PRR11: variants seen among roughly 807,000 people sequenced by gnomAD.
PRR11 encodes proline-rich protein 11.
In PRR11, 30 loss-of-function variants were observed where a neutral mutation model predicts 45.6. The ratio of observed to expected loss-of-function variants is 0.66; its 90% CI spans 0.49 to 0.89. The LOEUF is 0.89. PRR11 is among the 40% of genes least tolerant of loss of function. PRR11 has a pLI of 0.00. For missense variants in PRR11, 373 were observed against 424.8 expected, an observed-to-expected ratio of 0.88 and a Z score of 1.07; for synonymous variants, 128 against 153.5, an observed-to-expected ratio of 0.83 and a Z score of 1.23.
At chr17:59,179,801 T>C in intron 2 of PRR11, 7 of 1,358,338 alleles carry the variant, frequency 5.2e-6, no homozygotes, top group Non-Finnish European at 7.2e-6. Context: ...CTCCGATGAC[T>C]CCTCAGATTC....
At chr17:59,201,500 G>GGA in intron 9 of PRR11, 63 bp from the exon 10 acceptor site, 1 of 1,531,440 alleles carries the variant, frequency 6.5e-7, no homozygotes, top group Non-Finnish European at 8.9e-7. Flanking sequence ...TGTTGAGAAA[G>GGA]GAGAGTTGTA....
chr17:59,160,675 T>C (rs1474844954), intron 1 of PRR11: 1 of 152,182 alleles, frequency 6.6e-6, no homozygotes, highest in Non-Finnish European at 1.5e-5. Flanking sequence ...GAAAAGAAGA[T>C]GTAAGTAAAA....
chr17:59,181,342 C>T (rs535978686), intron 2 of PRR11, among the ~76,000 whole-genome samples: 9 of 151,936 alleles, frequency 5.9e-5, no homozygotes, highest in South Asian at 2.1e-4. Context: ...CAGCCTAATC[C>T]TCTATCATCT....
intron 4 of PRR11, among the ~76,000 whole-genome samples, chr17:59,191,217 T>A (rs575725603): frequency 1.1e-5 from 1 of 91,674 alleles, no homozygotes; most frequent in Non-Finnish European, 2.0e-5. Flanking sequence ...TTTTTCTTTT[T>A]TTCTTTTTTT....
chr17:59,163,934 A>C (rs1026656078), intron 1 of PRR11, among the ~76,000 whole-genome samples: 1 of 151,996 alleles, frequency 6.6e-6, no homozygotes, highest in African/African-American at 2.4e-5. Flanking sequence ...GCGCCGTGGC[A>C]GGCGCCTGTA....
chr17:59,162,095 T>C (rs1307496367), intron 1 of PRR11, among the ~76,000 whole-genome samples: 1 of 152,138 alleles, frequency 6.6e-6, no homozygotes, highest in Non-Finnish European at 1.5e-5. Flanking sequence ...CTAGGAATTA[T>C]CTCAGACTGC....
intron 2 of PRR11, among the ~76,000 whole-genome samples, chr17:59,171,362 T>G (rs2046707648): frequency 6.6e-6 from 1 of 152,146 alleles, no homozygotes; most frequent in African/African-American, 2.4e-5. Context: ...CAAATAAAAA[T>G]TTATTTTTAT....
At position 59,183,534 on chromosome 17, in the gene PRR11, C is replaced by T. The variant is rs113541306; in HGVS notation, c.129-1520C>T. 1.7e-4 allele frequency among the ~76,000 whole-genome samples: 26 copies of T among 152,242 alleles called. No individual in the cohort carries two copies. In the Middle Eastern group the frequency reaches 0.01, roughly 60 times the overall value. The stretch of plus-strand genomic sequence containing the variant: ...TCCGAGATTCTATACTGGGGGTACA[C>T]GTGTCCTCTGCCGTAAGGCATCTTT... On this transcript the variant is annotated intron_variant, in intron 2 of 9. Coordinates refer to ENST00000262293, the MANE Select transcript of PRR11 (RefSeq NM_018304.4).
Position 59,197,717 on chromosome 17 carries a change from C to G in PRR11, c.942C>G (p.Thr314=), listed in dbSNP as rs773177906. Residue 314 remains threonine (T), a synonymous_variant, in exon 9 of 10, where the codon ACC becomes ACG. Transcript: ENST00000262293. Reference sequence around the variant, plus strand: ...GGAGCCCAGGTGGAACCCCTCTTACCAATAAGGAAAATATGGAAACAGGAA... The same window carrying G: ...GGAGCCCAGGTGGAACCCCTCTTACGAATAAGGAAAATATGGAAACAGGAA... ...VERSPGGTPL[T]NKENMETGTG... is the part of the protein sequence containing the mutation. The G allele has an allele frequency of 5.6e-6, 9 of 1,613,982 alleles. No homozygotes were observed. Among genetic ancestry groups the G allele is most frequent in the Non-Finnish European group, 7.6e-6 (9 of 1,179,998 alleles).
At chr17:59,174,629 C>T (rs2046732186) in intron 2 of PRR11, among the ~76,000 whole-genome samples, 1 of 152,148 alleles carries the variant, frequency 6.6e-6, no homozygotes. Flanking sequence ...GAGAGGGGAT[C>T]TCGCCATGTT....
chr17:59,201,582 C>A lies in PRR11; in HGVS notation c.1034C>A (p.Pro345Gln), dbSNP rs1052334107. 1.1e-5 allele frequency: 18 copies of A among 1,612,772 alleles called. No individual in the cohort carries two copies. The highest frequency in any genetic ancestry group is 1.5e-5 in the Non-Finnish European group (18 of 1,179,970). Reference sequence around the variant, plus strand: ...TTATAGCTGGCTCACCCTAGAAGCCCAACTCCAACTCTGCCACTTTCTACA... The same window carrying A: ...TTATAGCTGGCTCACCCTAGAAGCCAAACTCCAACTCTGCCACTTTCTACA... ...RKFQLAHPRS[P>Q]TPTLPLSTSS... The change falls in exon 10 of 10, where the codon CCA becomes CAA. Residue 345 changes from proline (P) to glutamine (Q), a missense_variant. By Grantham distance (76) the Pro-to-Gln change is moderately conservative (BLOSUM62 -1). Transcript: ENST00000262293.
rs576831477 is a variant in PRR11 at position 59,205,143 on chromosome 17, T to C, written c.*3512T>C. 3.3e-5 allele frequency among the ~76,000 whole-genome samples: 5 copies of C among 152,288 alleles called. No homozygotes were observed. In the South Asian group the frequency reaches 1.0e-3, roughly 32 times the overall value. ...AAAGCTGCTACTGCCATTGTACCAG[T>C]GTTAAACTGTGTTCTACCTTGCATC... On this transcript the variant is annotated 3_prime_UTR_variant, in exon 10 of 10. Coordinates refer to ENST00000262293, the MANE Select transcript of PRR11 (RefSeq NM_018304.4).
At chr17:59,175,394 G>A (rs1361661498) in intron 2 of PRR11, among the ~76,000 whole-genome samples, 1 of 152,250 alleles carries the variant, frequency 6.6e-6, no homozygotes, top group African/African-American at 2.4e-5. Flanking sequence ...GGAGGCTGAG[G>A]CAGGAGGATC....
intron 2 of PRR11, chr17:59,179,873 C>A (rs530146885): frequency 2.2e-6 from 3 of 1,342,074 alleles, no homozygotes; most frequent in Non-Finnish European, 3.1e-6. Context: ...GGGATCTACC[C>A]CAGGGGCTGA....
In PRR11 at chr17:59,184,850, G is replaced by GTT. The variant is rs5821252; in HGVS notation, c.129-179_129-178dup. ...CTGGCACACCACCATGCCTGATTAA[G>GTT]TTTTTTTTTTTTTTTTTTTTTTTTT... is the stretch of plus-strand genomic sequence containing the variant. On this transcript the variant is annotated intron_variant, in intron 2 of 9. Transcript: ENST00000262293. Among the ~76,000 whole-genome samples the GTT allele has an allele frequency of 9.3e-3, 678 of 72,734 alleles. 74 individuals are homozygous for GTT. The highest frequency in any genetic ancestry group is 0.025 in the African/African-American group (411 of 16,394). The allele number at this position is 72,734 out of a possible 152,430, so 47.7% of individuals were successfully genotyped here.
chr17:59,175,487 C>T (rs138636784), intron 2 of PRR11, among the ~76,000 whole-genome samples: 3 of 152,160 alleles, frequency 2.0e-5, no homozygotes, highest in East Asian at 3.9e-4. Context: ...ACACGCCAGA[C>T]GTGGTGGCTC....
chr17:59,176,988 C>T (rs1384668955), intron 2 of PRR11, among the ~76,000 whole-genome samples: 4 of 152,064 alleles, frequency 2.6e-5, no homozygotes, highest in Admixed American at 1.3e-4. Context: ...TGAGCCACCG[C>T]GCCCAGCCTG....
At chr17:59,197,912 C>G in intron 9 of PRR11, 123 bp downstream of exon 9, 1 of 819,386 alleles carries the variant, frequency 1.2e-6, no homozygotes, top group South Asian at 1.6e-5. Flanking sequence ...TTGAGCCTAG[C>G]AGTTCAAGAT....
intron 1 of PRR11, among the ~76,000 whole-genome samples, chr17:59,165,051 C>CTT (rs2046672609): frequency 6.6e-6 from 1 of 151,778 alleles, no homozygotes; most frequent in South Asian, 2.1e-4. Context: ...GACAGAGTCT[C>CTT]GCTCCGTCGC....
Sources: gnomAD v4.1 joint callset for allele counts (sites outside exome capture counted in the v4.1 genomes callset) on GRCh38, gnomAD v4.1.1 for gene constraint, MANE v1.5 for transcripts, NCBI Gene and HGNC (gene_info 2026-07-23, HGNC 2026-07-21) for gene names.